The following GAPVD1 variants were observed in gnomAD, a reference collection of about 807,000 sequenced individuals.
The protein encoded by GAPVD1 is GTPase activating protein and VPS9 domains 1.
GAPVD1 carries 35 observed loss-of-function variants against 155.5 expected under a neutral mutation model. The observed-to-expected ratio is 0.23, with a 90% CI of 0.17 to 0.30. GAPVD1 has a LOEUF of 0.30. GAPVD1 is among the 10% of genes least tolerant of loss of function. The probability of loss-of-function intolerance (pLI) is 1.00; values close to 1 mark genes in which losing one functional copy is unlikely to be tolerated. For missense variants in GAPVD1, 1,429 were observed against 1,775.7 expected, an observed-to-expected ratio of 0.80 and a Z score of 3.51; for synonymous variants, 636 against 619.7, an observed-to-expected ratio of 1.03 and a Z score of -0.39.
chr9:125,332,430 A>C lies in GAPVD1; in HGVS notation c.2309-80A>C, dbSNP rs1049632157. The C allele has an allele frequency of 3.2e-5, 37 of 1,164,352 alleles. No homozygotes were observed. In the Admixed American group the frequency reaches 7.4e-4, roughly 23 times the overall value. The allele number at this position is 1,164,352 out of a possible 1,614,324, so 72.1% of individuals were successfully genotyped here. On this transcript the variant is annotated intron_variant, in intron 14 of 27. Transcript: ENST00000297933. ...GGGACACAAAATTCGAGAATGTTTC[A>C]GTTTCTCCAAATTTCATATACTTTT... is the stretch of plus-strand genomic sequence containing the variant.
chr9:125,279,041 G>A (rs1470688522), intron 2 of GAPVD1, among the ~76,000 whole-genome samples: 3 of 151,330 alleles, frequency 2.0e-5, no homozygotes, highest in African/African-American at 7.3e-5. Context: ...GTGAAACCCC[G>A]TATCTACTGA....
chr9:125,351,615 C>T (rs1258750657), intron 23 of GAPVD1, among the ~76,000 whole-genome samples: 4 of 152,238 alleles, frequency 2.6e-5, no homozygotes, highest in Admixed American at 6.5e-5. Context: ...AAAGGGGCTA[C>T]AGGCCCCATC....
intron 23 of GAPVD1, 110 bp downstream of exon 23, chr9:125,350,982 G>A (rs1191953372): frequency 4.8e-6 from 4 of 831,146 alleles, no homozygotes; most frequent in Admixed American, 2.4e-5. Flanking sequence ...GTGCTTGGCT[G>A]TATTTTCCTG....
At chr9:125,307,184 TGGG>T (rs1841982046) in intron 6 of GAPVD1, among the ~76,000 whole-genome samples, 2 of 147,398 alleles carry the variant, frequency 1.4e-5, no homozygotes, top group African/African-American at 5.0e-5. Flanking sequence ...AGAATCACAG[TGGG>T]GGAGGAGGTG....
intron 1 of GAPVD1, chr9:125,263,498 G>T: frequency 6.9e-6 from 5 of 719,704 alleles, no homozygotes; most frequent in South Asian, 6.2e-5. Flanking sequence ...AAGGTTTTTT[G>T]GATTTATAAG....
At chr9:125,275,669 CA>C (rs1835659608) in intron 2 of GAPVD1, among the ~76,000 whole-genome samples, 1 of 152,080 alleles carries the variant, frequency 6.6e-6, no homozygotes, top group East Asian at 1.9e-4. Context: ...GTAGGACGAT[CA>C]CCTGAACCCG....
At chr9:125,340,269 C>A (rs376198733) in intron 17 of GAPVD1, among the ~76,000 whole-genome samples, 2 of 152,178 alleles carry the variant, frequency 1.3e-5, no homozygotes, top group African/African-American at 4.8e-5. Flanking sequence ...GATCCACCCA[C>A]CTCGGCCTTC....
chr9:125,307,436 T>A lies in GAPVD1; in HGVS notation c.1140T>A (p.Asp380Glu), dbSNP rs1025577516. ...AGAGCTGTGTTGCCGCTTTCCTTGA[T>A]GTTGTGATTGGGGGCCGTGCAGTGG... ...FDKSCVAAFLDVVIGGRAVET... is the reference protein window; with the variant it reads ...FDKSCVAAFLEVVIGGRAVET... The change falls in exon 7 of 28, where the codon GAT becomes GAA. Residue 380 changes from aspartate (D) to glutamate (E), a missense_variant. By Grantham distance (45) the Asp-to-Glu change is conservative (BLOSUM62 2). This residue lies in a region of GAPVD1 where 628 missense variants were observed against 733.4 expected (regional missense o/e 0.86). Transcript: ENST00000297933. The A allele has an allele frequency of 6.2e-7, 1 of 1,608,816 alleles. No individual in the cohort carries two copies. The highest frequency in any genetic ancestry group is 2.2e-5 in the East Asian group (1 of 44,860).
rs199552778 is a variant in GAPVD1, at chr9:125,302,856, C to G, written c.1029+30C>G. The G allele has an allele frequency of 4.7e-5, 73 of 1,548,752 alleles. No homozygotes were observed. In the Middle Eastern group the frequency reaches 5.3e-4, roughly 11 times the overall value. On this transcript the variant is annotated intron_variant, in intron 5 of 27. Coordinates refer to ENST00000297933, the MANE Select transcript of GAPVD1 (RefSeq NM_001282680.3). ...GCTTTTGCTATTATTATTAACGTGG[C>G]ATTTAGTTTAAAATTCAGTTGATTG...
At chr9:125,266,742 G>A (rs1225685973) in intron 1 of GAPVD1, among the ~76,000 whole-genome samples, 1 of 151,842 alleles carries the variant, frequency 6.6e-6, no homozygotes, top group African/African-American at 2.4e-5. Context: ...CCTATTTTCT[G>A]CTGTTCGTTT....
intron 1 of GAPVD1, among the ~76,000 whole-genome samples, chr9:125,262,817 A>G (rs1833153191): frequency 1.3e-5 from 2 of 152,188 alleles, no homozygotes; most frequent in Non-Finnish European, 2.9e-5. Context: ...ACTGAAACTT[A>G]TTATTTCCTT....
Position 125,314,792 on chromosome 9 carries a change from T to C in GAPVD1, c.1602+2180T>C, listed in dbSNP as rs866169641. Among the ~76,000 whole-genome samples the C allele has an allele frequency of 4.1e-4, 61 of 149,450 alleles. 2 individuals are homozygous for C. Among genetic ancestry groups the C allele is most frequent in the Middle Eastern group, 6.9e-3 (2 of 290 alleles). ...CCTCCTGAAAAAGTAGCAGCTTCTT[T>C]TTTTTTTTTTTTTGAGACGGAGTCT... On this transcript the variant is annotated intron_variant, in intron 9 of 27. Transcript: ENST00000297933.
chr9:125,326,402 T>A lies in GAPVD1; in HGVS notation c.1859-14T>A, dbSNP rs1261154884. The A allele has an allele frequency of 6.3e-7, 1 of 1,587,680 alleles. No individual in the cohort carries two copies. Among genetic ancestry groups the A allele is most frequent in the Non-Finnish European group, 8.6e-7 (1 of 1,159,436 alleles). On this transcript the variant is annotated splice_polypyrimidine_tract_variant and intron_variant, in intron 11 of 27. Transcript: ENST00000297933. ...TGCTACTATTTTAAAAGTGCTTAAT[T>A]TTGTTTTTGATAGCTACAACACAGG...
intron 2 of GAPVD1, among the ~76,000 whole-genome samples, chr9:125,293,872 A>AAATATAT (rs1564311645): frequency 6.8e-5 from 1 of 14,620 alleles, no homozygotes; most frequent in Admixed American, 8.8e-4. Context: ...ATATATATAT[A>AAATATAT]TATATATATA....
intron 9 of GAPVD1, among the ~76,000 whole-genome samples, chr9:125,314,391 C>G (rs1263340967): frequency 5.3e-5 from 8 of 152,166 alleles, no homozygotes; most frequent in African/African-American, 9.7e-5. Flanking sequence ...CCTGGTGGCT[C>G]ACACCTATAA....
At chr9:125,325,926 A>G (rs962563931) in intron 11 of GAPVD1, among the ~76,000 whole-genome samples, 1 of 152,214 alleles carries the variant, frequency 6.6e-6, no homozygotes, top group Admixed American at 6.5e-5. Context: ...GAATAATGTG[A>G]TGAAATCTCA....
intron 5 of GAPVD1, 55 bp downstream of exon 5, chr9:125,302,881 G>A (rs1485041450): frequency 6.5e-6 from 10 of 1,528,936 alleles, no homozygotes; most frequent in Non-Finnish European, 8.8e-6. Flanking sequence ...TCAGTTGATT[G>A]GGCTGTGGGG....
chr9:125,331,302 G>A (rs565902768), intron 13 of GAPVD1, among the ~76,000 whole-genome samples: 2 of 152,144 alleles, frequency 1.3e-5, no homozygotes, highest in South Asian at 4.2e-4. Flanking sequence ...CTGGGTTCAA[G>A]TGATTCTTTT....
chr9:125,278,212 G>T (rs533296117), intron 2 of GAPVD1, among the ~76,000 whole-genome samples: 2 of 152,268 alleles, frequency 1.3e-5, no homozygotes, highest in South Asian at 2.1e-4. Context: ...CCTGAAAAGT[G>T]GTGGATAATT....
Sources: allele counts gnomAD v4.1 joint callset (sites outside exome capture counted in the v4.1 genomes callset), GRCh38; gene constraint gnomAD v4.1.1; regional missense constraint gnomAD v4.1.1; transcripts MANE v1.5; gene names NCBI Gene and HGNC (gene_info 2026-07-23, HGNC 2026-07-21).